CLDN14: variants seen among roughly 807,000 people sequenced by gnomAD.
CLDN14 encodes the protein claudin-14.
A neutral mutation model predicts 2.1 loss-of-function variants in CLDN14; 2 were observed. That is an observed-to-expected ratio of 0.96 (90% CI 0.39 to 3.01). CLDN14 has a LOEUF of 3.01. Ranked by LOEUF, CLDN14 falls within the 30% of genes most tolerant of loss-of-function variation. The pLI is 0.09. For missense variants in CLDN14, 298 were observed against 328.0 expected (o/e 0.91, Z 0.71); for synonymous variants, 136 against 154.4 (o/e 0.88, Z 0.88).
intron 1 of CLDN14, among the ~76,000 whole-genome samples, chr21:36,525,864 G>A (rs7283212): frequency 0.36 from 54,335 of 151,992 alleles, 11,901 homozygotes; most frequent in African/African-American, 0.62. Context: ...TTAAAACTGG[G>A]GCTGGGTTTT....
Position 36,461,423 on chromosome 21 carries a change from C to A in CLDN14, c.273G>T (p.Ser91=). Residue 91 remains serine, a synonymous_variant, in exon 2 of 2, where the codon TCG becomes TCT. Coordinates refer to ENST00000399135, the MANE Select transcript of CLDN14 (RefSeq NM_001146079.2). ...TGACGGCGCAGGCGCAGGCTATGCC[C>A]GAGAGCAGGCAGGAGATGACCATGA... ...RALMVISCLL[S]GIACACAVIG... is the part of the protein sequence containing the mutation. 1.2e-6 allele frequency: 2 copies of A among 1,613,222 alleles called. No individual in the cohort carries two copies. The highest frequency in any genetic ancestry group is 1.7e-6 in the Non-Finnish European group (2 of 1,179,988).
upstream of CLDN14, among the ~76,000 whole-genome samples, chr21:36,481,984 C>T (rs1017470979): frequency 6.6e-6 from 1 of 152,100 alleles, no homozygotes; most frequent in African/African-American, 2.4e-5. Flanking sequence ...AGAGGCTGGT[C>T]CCGAGTCTCC....
Position 36,461,702 on chromosome 21 carries a change from G to A in CLDN14, c.-7C>T. On this transcript the variant is annotated 5_prime_UTR_variant, in exon 2 of 2. Transcript: ENST00000399135. Reference sequence around the variant, plus strand: ...GCACGGCCGTGCTGGCCATGGTGCGGCTGCCTGCCTAGGCCAGCCGGGCAG... The same window carrying A: ...GCACGGCCGTGCTGGCCATGGTGCGACTGCCTGCCTAGGCCAGCCGGGCAG... 6.5e-7 allele frequency: 1 copy of A among 1,549,050 alleles called. No homozygotes were observed. Among genetic ancestry groups the A allele is most frequent in the South Asian group, 1.2e-5 (1 of 84,072 alleles).
intron 2 of CLDN14, among the ~76,000 whole-genome samples, chr21:36,488,317 G>A (rs530168653): frequency 7.0e-6 from 1 of 143,632 alleles, no homozygotes; most frequent in African/African-American, 2.6e-5. Flanking sequence ...CTGTTGCCAG[G>A]CTGGAGTGCA....
In CLDN14 at chr21:36,490,949, GACACACACACACACACACACAC is replaced by G. The variant is rs3030068; in HGVS notation, c.-82+19392_-82+19413del. 1.9e-4 allele frequency among the ~76,000 whole-genome samples: 28 copies of G among 148,858 alleles called. No homozygotes were observed. The East Asian group carries it at 3.6e-3, about 19-fold the overall frequency. ...GTGGGCACACACATGCAAGTGCACAGACACACACACACACACACACACACACACACACACACACACCCCTGGA... is the reference window on the plus strand; with the variant it reads ...GTGGGCACACACATGCAAGTGCACAGACACACACACACACACACCCCTGGA... On this transcript the variant is annotated intron_variant, in intron 2 of 2. Coordinates refer to the CLDN14 transcript ENST00000342108.
chr21:36,503,248 T>G (rs1435798476), intron 2 of CLDN14, among the ~76,000 whole-genome samples: 1 of 152,132 alleles, frequency 6.6e-6, no homozygotes, highest in African/African-American at 2.4e-5. Flanking sequence ...GAGACAGGGT[T>G]TCACCATATT....
chr21:36,519,805 A>G (rs1345002803), intron 1 of CLDN14, among the ~76,000 whole-genome samples: 1 of 152,188 alleles, frequency 6.6e-6, no homozygotes, highest in Non-Finnish European at 1.5e-5. Context: ...AGCAGGGGAC[A>G]TGCCACTGAT....
intron 1 of CLDN14, among the ~76,000 whole-genome samples, chr21:36,522,175 G>A (rs1049620437): frequency 6.6e-6 from 1 of 151,908 alleles, no homozygotes; most frequent in Non-Finnish European, 1.5e-5. Flanking sequence ...TTCTTTTCAC[G>A]TCCAATATAA....
chr21:36,461,401 C>CGGCGCA lies in CLDN14; in HGVS notation c.289_294dup (p.Cys97_Ala98dup), dbSNP rs773126341. On this transcript the variant is annotated inframe_insertion, in exon 2 of 2. Coordinates refer to ENST00000399135, the MANE Select transcript of CLDN14 (RefSeq NM_001146079.2). ...CAGCGCGTGCACTTCATCCCGATGA[C>CGGCGCA]GGCGCAGGCGCAGGCTATGCCCGAG... 12 of 1,613,176 alleles carry CGGCGCA rather than the reference C, an allele frequency of 7.4e-6. No homozygotes were observed. The highest frequency in any genetic ancestry group is 3.3e-5 in the Admixed American group (2 of 60,018).
At position 36,460,988 on chromosome 21, in the gene CLDN14, G is replaced by A. The variant is rs774161015; in HGVS notation, c.708C>T (p.Asn236=). ...TSATHSGYRL[N]DYV Reference sequence around the variant, plus strand: ...AGGCTGTGGGGACTCACACGTAGTCGTTCAGCCTGTACCCGCTGTGCGTGG... The same window carrying A: ...AGGCTGTGGGGACTCACACGTAGTCATTCAGCCTGTACCCGCTGTGCGTGG... Residue 236 remains asparagine (N), a synonymous_variant, in exon 2 of 2, where the codon AAC becomes AAT. Coordinates refer to ENST00000399135, the MANE Select transcript of CLDN14 (RefSeq NM_001146079.2). This position sits in a 1 kb window ranked among gnomAD's most constrained non-coding sequence, Gnocchi z 4.0. 2.7e-5 allele frequency: 44 copies of A among 1,612,612 alleles called. No homozygotes were observed. The highest frequency in any genetic ancestry group is 1.8e-4 in the Admixed American group (11 of 60,006).
At chr21:36,557,483 G>A (rs938180139) in intron 1 of CLDN14, among the ~76,000 whole-genome samples, 1 of 152,018 alleles carries the variant, frequency 6.6e-6, no homozygotes, top group African/African-American at 2.4e-5. Flanking sequence ...CATCCTAGTA[G>A]ATGTGAGGTA....
chr21:36,477,358 CAT>C (rs2086791824), intron 1 of CLDN14: 1 of 152,188 alleles, frequency 6.6e-6, no homozygotes, highest in South Asian at 2.1e-4. Context: ...AATATGGTTT[CAT>C]ATGTTTACTT....
At chr21:36,566,341 C>T (rs1568883464) in intron 1 of CLDN14, among the ~76,000 whole-genome samples, 1 of 152,150 alleles carries the variant, frequency 6.6e-6, no homozygotes. Flanking sequence ...AAATAGAAAC[C>T]AGTAAATATG....
chr21:36,521,310 T>G (rs565581392), intron 1 of CLDN14, among the ~76,000 whole-genome samples: 2 of 152,164 alleles, frequency 1.3e-5, no homozygotes, highest in East Asian at 3.9e-4. Flanking sequence ...TCTGGTAACT[T>G]GGAGAGGAGT....
Position 36,461,767 on chromosome 21 carries a change from A to G in CLDN14, c.-72T>C, listed in dbSNP as rs1275453536. On this transcript the variant is annotated 5_prime_UTR_variant, in exon 2 of 2. Transcript: ENST00000399135. ...GGGGTCACGCCGCTCCTCAGGTGCC[A>G]GCCGGAGCCCTAATGAAGCCAAGGG... 1 of 1,530,406 alleles carries G rather than the reference A, an allele frequency of 6.5e-7. No homozygotes were observed. Among genetic ancestry groups the G allele is most frequent in the East Asian group, 2.5e-5 (1 of 40,668 alleles). The allele number at this position is 1,530,406 out of a possible 1,614,324, so 94.8% of individuals were successfully genotyped here.
intron 1 of CLDN14, among the ~76,000 whole-genome samples, chr21:36,529,755 C>T (rs77487116): frequency 1.6e-3 from 237 of 152,300 alleles, no homozygotes; most frequent in African/African-American, 5.3e-3. Flanking sequence ...GAGCTATGGA[C>T]GTTGTCTCAT....
chr21:36,538,487 A>C (rs1191223703), intron 1 of CLDN14, among the ~76,000 whole-genome samples: 1 of 151,988 alleles, frequency 6.6e-6, no homozygotes, highest in Non-Finnish European at 1.5e-5. Flanking sequence ...GGTGGCACAC[A>C]CCTTTAATCC....
intron 1 of CLDN14, among the ~76,000 whole-genome samples, chr21:36,471,495 T>C (rs1203714975): frequency 6.6e-6 from 1 of 151,334 alleles, no homozygotes; most frequent in East Asian, 1.9e-4. Flanking sequence ...TGGGGTATAA[T>C]TGGTGACTGA....
At chr21:36,506,362 C>A (rs2087132646) in intron 2 of CLDN14, among the ~76,000 whole-genome samples, 1 of 152,042 alleles carries the variant, frequency 6.6e-6, no homozygotes, top group African/African-American at 2.4e-5. Flanking sequence ...TTTGGGAGGC[C>A]AAGGCAGGTG....
Sources: allele counts gnomAD v4.1 joint callset (sites outside exome capture counted in the v4.1 genomes callset), GRCh38; gene constraint gnomAD v4.1.1; non-coding constraint Gnocchi (gnomAD v3.1); transcripts MANE v1.5; gene names NCBI Gene and HGNC (gene_info 2026-07-23, HGNC 2026-07-21).